Variants in TRIO observed in about 807,000 individuals in gnomAD.
TRIO encodes the protein triple functional domain protein.
TRIO carries 58 observed loss-of-function variants against 351.9 expected under a neutral mutation model. The observed-to-expected ratio is 0.16, with a 90% confidence interval of 0.13 to 0.21. TRIO has a LOEUF of 0.21. Among genes scored for constraint, TRIO ranks in the 10% least tolerant of loss-of-function variants. The pLI is 1.00. For missense variants in TRIO, 3,201 were observed against 4,027.8 expected, an observed-to-expected ratio of 0.79 and a Z score of 5.56; for synonymous variants, 1,758 against 1,595.7, an observed-to-expected ratio of 1.10 and a Z score of -2.42.
At chr5:14,361,253 G>T (rs576226156) in intron 13 of TRIO, among the ~76,000 whole-genome samples, 3 of 151,848 alleles carry the variant, frequency 2.0e-5, no homozygotes, top group African/African-American at 7.3e-5. Flanking sequence ...TGTATTTATC[G>T]TAAGTATATG....
intron 11 of TRIO, among the ~76,000 whole-genome samples, chr5:14,338,818 G>A (rs751465359): frequency 2.0e-5 from 3 of 152,212 alleles, no homozygotes; most frequent in Non-Finnish European, 2.9e-5. Flanking sequence ...AAGGGGCAGA[G>A]GGAAGAGGGC....
At chr5:14,348,678 C>T (rs558595616) in intron 11 of TRIO, among the ~76,000 whole-genome samples, 5 of 144,390 alleles carry the variant, frequency 3.5e-5, no homozygotes, top group Admixed American at 2.0e-4. Flanking sequence ...TGTGTGTGTA[C>T]GCACATGAGC....
chr5:14,318,360 C>T (rs1242414845), intron 9 of TRIO, among the ~76,000 whole-genome samples: 6 of 146,674 alleles, frequency 4.1e-5, no homozygotes, highest in African/African-American at 1.5e-4. Context: ...GAGGCTGAGG[C>T]AGGAGAATCA....
At chr5:14,502,451 G>A (rs1043735066) in intron 53 of TRIO, 128 bp from the exon 54 acceptor site, 15 of 769,314 alleles carry the variant, frequency 1.9e-5, no homozygotes, top group Middle Eastern at 3.5e-4. Context: ...ATCTCCACTC[G>A]CATGAGCCGT....
chr5:14,303,305 C>T (rs1333951438), intron 7 of TRIO, among the ~76,000 whole-genome samples: 13 of 123,926 alleles, frequency 1.0e-4, no homozygotes, highest in African/African-American at 3.5e-4. Flanking sequence ...GAGATTGAGC[C>T]GGGATTGGGA....
chr5:14,149,416 A>AGTGTTTCCATGGAAAACT (rs1787698668), intron 1 of TRIO, among the ~76,000 whole-genome samples: 8 of 151,996 alleles, frequency 5.3e-5, no homozygotes, highest in Admixed American at 5.2e-4. Context: ...GGAAACACTT[A>AGTGTTTCCATGGAAAACT]ATTTGCTTAC....
intron 19 of TRIO, among the ~76,000 whole-genome samples, chr5:14,376,463 CAT>C (rs1268122009): frequency 2.0e-5 from 3 of 152,162 alleles, no homozygotes; most frequent in African/African-American, 2.4e-5. Context: ...GAAATACAAA[CAT>C]ATATTTCACT....
At chr5:14,507,076 T>A (rs759049537) in intron 55 of TRIO, 46 bp from the exon 56 acceptor site, 1 of 1,532,784 alleles carries the variant, frequency 6.5e-7, no homozygotes, top group South Asian at 1.3e-5. Flanking sequence ...AAAGAGGTCT[T>A]CAAAGCAAAT....
At chr5:14,257,452 C>T (rs1248030840) in intron 1 of TRIO, among the ~76,000 whole-genome samples, 5 of 152,006 alleles carry the variant, frequency 3.3e-5, no homozygotes, top group Non-Finnish European at 7.4e-5. Flanking sequence ...AAAAATTTTG[C>T]TCACGTGGTT....
intron 33 of TRIO, 98 bp from the exon 34 acceptor site, chr5:14,419,680 A>G: frequency 6.5e-7 from 1 of 1,528,030 alleles, no homozygotes. Context: ...ACTCCGGGGC[A>G]GGGTGGCAGG....
chr5:14,144,478 C>T (rs1218003709), intron 1 of TRIO, among the ~76,000 whole-genome samples: 1 of 152,146 alleles, frequency 6.6e-6, no homozygotes, highest in African/African-American at 2.4e-5. Flanking sequence ...CACTCACTGC[C>T]CAGGGAGTGG....
chr5:14,173,408 C>T (rs1789223623), intron 1 of TRIO, among the ~76,000 whole-genome samples: 1 of 151,994 alleles, frequency 6.6e-6, no homozygotes, highest in East Asian at 1.9e-4. Flanking sequence ...GACGGGCTTT[C>T]ACCATGTTGG....
At chr5:14,212,731 G>T (rs913419949) in intron 1 of TRIO, among the ~76,000 whole-genome samples, 3 of 152,136 alleles carry the variant, frequency 2.0e-5, no homozygotes, top group African/African-American at 7.2e-5. Flanking sequence ...CAGGTCTACT[G>T]ATTGATTATA....
intron 20 of TRIO, 60 bp from the exon 21 acceptor site, chr5:14,381,070 C>T: frequency 6.5e-7 from 1 of 1,547,378 alleles, no homozygotes; most frequent in Non-Finnish European, 8.7e-7. Context: ...GTGCTCGGGG[C>T]TTTGGGCTCC....
intron 34 of TRIO, among the ~76,000 whole-genome samples, chr5:14,426,506 G>A (rs567100174): frequency 6.6e-6 from 1 of 152,280 alleles, no homozygotes; most frequent in South Asian, 2.1e-4. Context: ...GAACTCCAAG[G>A]AACGCTGAAG....
intron 10 of TRIO, among the ~76,000 whole-genome samples, chr5:14,334,660 C>T (rs1413361456): frequency 6.6e-6 from 1 of 152,212 alleles, no homozygotes; most frequent in Non-Finnish European, 1.5e-5. Flanking sequence ...GTACAGCTTG[C>T]TACACCGTTA....
intron 3 of TRIO, 93 bp downstream of exon 3, chr5:14,280,529 C>T (rs1367250234): frequency 9.5e-7 from 1 of 1,057,720 alleles, no homozygotes; most frequent in Non-Finnish European, 1.4e-6. Context: ...TTGTAGCCTG[C>T]ATTCCAGGCA....
In TRIO at chr5:14,193,892, T is replaced by C. The variant is rs892501362; in HGVS notation, c.157+50010T>C. On this transcript the variant is annotated intron_variant, in intron 1 of 56. Coordinates refer to ENST00000344204, the MANE Select transcript of TRIO (RefSeq NM_007118.4). ...TGTAGATAACAGTGACCGTTTACTG[T>C]GTGTTCGTGTGCCTGGTACAGACTC... 6.0e-5 allele frequency among the ~76,000 whole-genome samples: 7 copies of C among 117,278 alleles called. No individual in the cohort carries two copies. The Admixed American group carries it at 6.0e-4, about 10-fold the overall frequency. 76.9% of individuals were successfully genotyped at this position (117,278 alleles called of 152,430 possible). A position where few individuals can be genotyped will look rare whatever the true frequency, so the allele number is the denominator to read the frequency against.
chr5:14,313,439 A>G (rs953940649), intron 8 of TRIO, among the ~76,000 whole-genome samples: 1 of 152,224 alleles, frequency 6.6e-6, no homozygotes, highest in Non-Finnish European at 1.5e-5. Context: ...TGTTGCTTAG[A>G]GTACTCCATT....
Sources: gnomAD v4.1 joint callset for allele counts (sites outside exome capture counted in the v4.1 genomes callset) on GRCh38, gnomAD v4.1.1 for gene constraint, MANE v1.5 for transcripts, NCBI Gene and HGNC (gene_info 2026-07-23, HGNC 2026-07-21) for gene names.